The following DIAPH3 variants were observed in gnomAD, a reference collection of about 807,000 sequenced individuals.
DIAPH3 encodes diaphanous related formin 3, also known as protein diaphanous homolog 3.
Under a neutral mutation model 144.3 loss-of-function variants are expected in DIAPH3, and 117 were observed. That is an observed-to-expected ratio of 0.81 (90% CI 0.70 to 0.95). The LOEUF is 0.95. Ranked by LOEUF, DIAPH3 falls within the 40% of genes least tolerant of loss-of-function variation. The pLI, the probability that DIAPH3 is intolerant of heterozygous loss-of-function variation, is 0.00. For synonymous variants in DIAPH3, 519 were observed against 488.9 expected (o/e 1.06, Z -0.81); for missense variants, 1,421 against 1,412.7 (o/e 1.01, Z -0.09).
chr13:60,071,172 T>C (rs775102407), intron 4 of DIAPH3, among the ~76,000 whole-genome samples: 1 of 152,202 alleles, frequency 6.6e-6, no homozygotes, highest in African/African-American at 2.4e-5. Flanking sequence ...GTCATTATTG[T>C]GTTATTTACA....
At chr13:59,989,484 G>A (rs1179533717) in intron 12 of DIAPH3, among the ~76,000 whole-genome samples, 13 of 151,792 alleles carry the variant, frequency 8.6e-5, no homozygotes, top group Non-Finnish European at 1.3e-4. Flanking sequence ...CTTGAGTCTA[G>A]CAGTCACAGG....
At chr13:59,912,379 C>G (rs73196166) in intron 19 of DIAPH3, among the ~76,000 whole-genome samples, 16,662 of 152,122 alleles carry the variant, frequency 0.11, 931 homozygotes, top group Admixed American at 0.15. Flanking sequence ...CTAAAACAAA[C>G]TAACTTTTCT....
chr13:60,052,960 A>T (rs1312123538), intron 4 of DIAPH3, among the ~76,000 whole-genome samples: 1 of 53,480 alleles, frequency 1.9e-5, no homozygotes, highest in East Asian at 3.1e-4. Context: ...ACTCCCTCTT[A>T]AAAAAAAAAA....
At chr13:60,012,351 T>C (rs1384459168) in intron 7 of DIAPH3, among the ~76,000 whole-genome samples, 8 of 152,160 alleles carry the variant, frequency 5.3e-5, no homozygotes, top group African/African-American at 1.7e-4. Context: ...TTGTTAGTAA[T>C]AGGGAAAAGT....
intron 5 of DIAPH3, among the ~76,000 whole-genome samples, chr13:60,033,353 C>A (rs979636666): frequency 4.6e-5 from 7 of 152,038 alleles, no homozygotes; most frequent in African/African-American, 1.7e-4. Context: ...CAATTTTCTG[C>A]ATTAAGCAAT....
At chr13:59,834,921 T>C (rs1378204898) in intron 23 of DIAPH3, among the ~76,000 whole-genome samples, 1 of 151,760 alleles carries the variant, frequency 6.6e-6, no homozygotes, top group Non-Finnish European at 1.5e-5. Context: ...GAGAGGTAGA[T>C]AACAACCAGA....
intron 15 of DIAPH3, among the ~76,000 whole-genome samples, chr13:59,972,575 G>A (rs1482000745): frequency 6.6e-6 from 1 of 152,084 alleles, no homozygotes; most frequent in African/African-American, 2.4e-5. Flanking sequence ...AAGAAGTTGA[G>A]GCCACAAATC....
chr13:59,745,838 A>C (rs747425651), intron 27 of DIAPH3, among the ~76,000 whole-genome samples: 3 of 152,224 alleles, frequency 2.0e-5, no homozygotes, highest in Non-Finnish European at 4.4e-5. Flanking sequence ...GAAATATTCT[A>C]ATAGTTTCAC....
intron 24 of DIAPH3, among the ~76,000 whole-genome samples, chr13:59,813,806 G>A (rs970345679): frequency 6.9e-6 from 1 of 145,076 alleles, no homozygotes; most frequent in African/African-American, 2.6e-5. Context: ...GTTTCAGTGA[G>A]CCGAGATCAC....
At chr13:60,135,105 A>G (rs1299916496) in intron 1 of DIAPH3, among the ~76,000 whole-genome samples, 1 of 152,126 alleles carries the variant, frequency 6.6e-6, no homozygotes, top group Non-Finnish European at 1.5e-5. Context: ...TAAACATTCA[A>G]GAGAAACACT....
chr13:60,107,077 G>GGTAAA (rs2058440839), intron 3 of DIAPH3, among the ~76,000 whole-genome samples: 1 of 152,114 alleles, frequency 6.6e-6, no homozygotes, highest in African/African-American at 2.4e-5. Context: ...GTGTGAGGTA[G>GGTAAA]AAATTGATCA....
chr13:59,722,218 T>C (rs200001056), intron 27 of DIAPH3, among the ~76,000 whole-genome samples: 1 of 152,212 alleles, frequency 6.6e-6, no homozygotes, highest in East Asian at 1.9e-4. Context: ...CAGAGGTCCT[T>C]AGGAAACATT....
chr13:59,739,171 G>T (rs1460462374), intron 27 of DIAPH3, among the ~76,000 whole-genome samples: 2 of 152,140 alleles, frequency 1.3e-5, no homozygotes, highest in East Asian at 3.8e-4. Flanking sequence ...GGATTTGAAG[G>T]TTTGAATTTG....
intron 15 of DIAPH3, among the ~76,000 whole-genome samples, chr13:59,972,441 CTTTAACA>C (rs1566593577): frequency 6.6e-6 from 1 of 152,138 alleles, no homozygotes; most frequent in East Asian, 1.9e-4. Context: ...TTCTAACTAC[CTTTAACA>C]TTTAATAAAT....
chr13:59,708,496 C>A (rs2034551472), intron 27 of DIAPH3, among the ~76,000 whole-genome samples: 1 of 152,192 alleles, frequency 6.6e-6, no homozygotes, highest in Non-Finnish European at 1.5e-5. Flanking sequence ...TCTGACCTTA[C>A]TTGATTTCTC....
At chr13:60,075,312 T>C (rs2057343859) in intron 4 of DIAPH3, among the ~76,000 whole-genome samples, 1 of 152,222 alleles carries the variant, frequency 6.6e-6, no homozygotes, top group Non-Finnish European at 1.5e-5. Context: ...GTAGGTGTTC[T>C]TTACACATTA....
intron 25 of DIAPH3, among the ~76,000 whole-genome samples, chr13:59,777,939 C>T (rs341542): frequency 0.66 from 99,967 of 151,936 alleles, 33,362 homozygotes; most frequent in East Asian, 0.72. Flanking sequence ...ATTGGGATAA[C>T]TGGAGAAATT....
At chr13:59,887,704 A>C (rs1458895993) in intron 20 of DIAPH3, among the ~76,000 whole-genome samples, 1 of 152,130 alleles carries the variant, frequency 6.6e-6, no homozygotes, top group African/African-American at 2.4e-5. Flanking sequence ...GTGTTCTATA[A>C]ATATCAGAAC....
At chr13:59,842,133 C>T (rs1171899130) in intron 22 of DIAPH3, among the ~76,000 whole-genome samples, 4 of 152,018 alleles carry the variant, frequency 2.6e-5, no homozygotes, top group Admixed American at 2.6e-4. Context: ...ATATTCCCTG[C>T]CTAAACCCAG....
Sources: allele counts gnomAD v4.1 joint callset (sites outside exome capture counted in the v4.1 genomes callset), GRCh38; gene constraint gnomAD v4.1.1; transcripts MANE v1.5; gene names NCBI Gene and HGNC (gene_info 2026-07-23, HGNC 2026-07-21).